The following TPD52 variants were observed in gnomAD, a reference collection of about 807,000 sequenced individuals.
TPD52 encodes prostate and colon associated protein.
A neutral mutation model predicts 31.3 loss-of-function variants in TPD52; 17 were observed. That is an observed-to-expected ratio of 0.54 (90% confidence interval 0.37 to 0.82). TPD52 has a LOEUF of 0.82. Ranked by LOEUF, TPD52 falls within the 40% of genes least tolerant of loss-of-function variation. The pLI is 0.00. For synonymous variants in TPD52, 83 were observed against 89.6 expected (o/e 0.93, Z 0.42); for missense variants, 212 against 240.1 (o/e 0.88, Z 0.77).
At chr8:80,096,319 A>ACACACACACAC (rs1563622982) in intron 1 of TPD52, among the ~76,000 whole-genome samples, 57 of 139,350 alleles carry the variant, frequency 4.1e-4, no homozygotes, top group African/African-American at 1.4e-3. Flanking sequence ...CACACACACA[A>ACACACACACAC]ACTTCTCCTA....
intron 1 of TPD52, among the ~76,000 whole-genome samples, chr8:80,094,430 TTATATATATATA>T (rs61266725): frequency 0.043 from 2,281 of 53,426 alleles, 45 homozygotes; most frequent in East Asian, 0.13. Flanking sequence ...AAAGAAAATT[TTATATATATATA>T]TATATATATA....
rs764519706 is a variant in TPD52 at position 80,038,065 on chromosome 8, G to C, written c.*51C>G. 12 of 1,600,762 alleles carry C rather than the reference G, an allele frequency of 7.5e-6. No homozygotes were observed. Among genetic ancestry groups the C allele is most frequent in the Admixed American group, 1.7e-5 (1 of 59,134 alleles). ...CAATGCATGTTGACAAGATGTGCTT[G>C]GACCTCGCTTGCAGCATCTGGCAGT... On this transcript the variant is annotated 3_prime_UTR_variant, in exon 8 of 8. Coordinates refer to ENST00000518937, the MANE Select transcript of TPD52 (RefSeq NM_001025253.3).
intron 1 of TPD52, among the ~76,000 whole-genome samples, chr8:80,070,503 TAAGCAATGTGC>T: frequency 6.6e-6 from 1 of 152,236 alleles, no homozygotes; most frequent in Non-Finnish European, 1.5e-5. Context: ...TAGATTCTCA[TAAGCAATGTGC>T]AACCTAGATC....
rs1376622182 is a variant in TPD52 at position 80,034,884 on chromosome 8, G to C, written c.*3232C>G. The C allele has an allele frequency of 6.6e-6, 1 of 152,160 alleles. No homozygotes were observed. Among genetic ancestry groups the C allele is most frequent in the Non-Finnish European group, 1.5e-5 (1 of 68,030 alleles). The allele number at this position is 152,160 out of a possible 1,614,324, so 9.4% of individuals were successfully genotyped here. A position where few individuals can be genotyped will look rare whatever the true frequency, so the allele number is the denominator to read the frequency against. Reference sequence around the variant, plus strand: ...TGGCAAGAATTTTAGTTGCCAAATAGCATTTATTTGAGTACAAAATCCTGG... The same window carrying C: ...TGGCAAGAATTTTAGTTGCCAAATACCATTTATTTGAGTACAAAATCCTGG... On this transcript the variant is annotated 3_prime_UTR_variant, in exon 8 of 8. Transcript: ENST00000518937.
chr8:80,137,200 C>T (rs1365190), intron 1 of TPD52, among the ~76,000 whole-genome samples: 2 of 151,780 alleles, frequency 1.3e-5, no homozygotes, highest in East Asian at 3.9e-4. Context: ...TGTTTGCCTG[C>T]GGGCACGGGA....
intron 1 of TPD52, among the ~76,000 whole-genome samples, chr8:80,101,441 C>A (rs1806727407): frequency 7.7e-6 from 1 of 129,830 alleles, no homozygotes; most frequent in African/African-American, 3.2e-5. Flanking sequence ...GAGTGAGACT[C>A]CCAGCTCAAA....
rs1438477098 is a variant in TPD52 at position 80,136,985 on chromosome 8, C to T, written c.19+34440G>A. 3.3e-5 allele frequency among the ~76,000 whole-genome samples: 5 copies of T among 152,208 alleles called. No homozygotes were observed. In the East Asian group the frequency reaches 9.6e-4, roughly 29 times the overall value. On this transcript the variant is annotated intron_variant, in intron 1 of 7. Coordinates refer to ENST00000518937, the MANE Select transcript of TPD52 (RefSeq NM_001025253.3). ...AACTTCAGCTAAAACTCCCTTATCA[C>T]TCTTAACAAGTATGGCTCAAAGACA...
Position 80,082,731 on chromosome 8 carries a change from C to CGCCT in TPD52, c.20-18142_20-18139dup, listed in dbSNP as rs200598534. On this transcript the variant is annotated intron_variant, in intron 1 of 7. Transcript: ENST00000518937. ...AGCATGTGAAGAGCCCCCTGACAGGCGCCTGTGCCTATCCAGGGCCTCTCC... is the reference window on the plus strand; with the variant it reads ...AGCATGTGAAGAGCCCCCTGACAGGCGCCTGCCTGTGCCTATCCAGGGCCTCTCC... Among the ~76,000 whole-genome samples the CGCCT allele has an allele frequency of 9.4e-3, 1,428 of 152,354 alleles. 78 individuals are homozygous for CGCCT. Among genetic ancestry groups the CGCCT allele is most frequent in the Admixed American group, 0.087 (1,328 of 15,296 alleles).
At chr8:80,051,079 T>C (rs1175286559) in intron 4 of TPD52, among the ~76,000 whole-genome samples, 1 of 151,018 alleles carries the variant, frequency 6.6e-6, no homozygotes, top group African/African-American at 2.4e-5. Flanking sequence ...CCAGTTAGAA[T>C]AAAACAGTGC....
At chr8:80,038,475 C>T (rs1166154491) in intron 7 of TPD52, among the ~76,000 whole-genome samples, 1 of 152,050 alleles carries the variant, frequency 6.6e-6, no homozygotes, top group Non-Finnish European at 1.5e-5. Context: ...TTCCCCTTTC[C>T]CCCTGCTCCT....
intron 1 of TPD52, among the ~76,000 whole-genome samples, chr8:80,140,990 G>A (rs537513209): frequency 1.0e-5 from 1 of 97,190 alleles, no homozygotes; most frequent in African/African-American, 3.9e-5. Flanking sequence ...TGTGTAGAAA[G>A]AGTATCAATC....
At chr8:80,069,642 A>T (rs903309676) in intron 1 of TPD52, among the ~76,000 whole-genome samples, 19 of 151,074 alleles carry the variant, frequency 1.3e-4, no homozygotes, top group Non-Finnish European at 2.4e-4. Flanking sequence ...AATAATTTTT[A>T]AAAAAGATTT....
At chr8:80,128,937 G>A (rs916661426) in intron 1 of TPD52, among the ~76,000 whole-genome samples, 3 of 150,886 alleles carry the variant, frequency 2.0e-5, no homozygotes, top group Non-Finnish European at 4.4e-5. Flanking sequence ...TTCATTCTCT[G>A]TAATGTTACA....
intron 1 of TPD52, among the ~76,000 whole-genome samples, chr8:80,100,458 G>A (rs1003380957): frequency 3.3e-5 from 5 of 152,148 alleles, no homozygotes; most frequent in Admixed American, 6.5e-5. Flanking sequence ...AATTGTTTTC[G>A]GAACAGAAAC....
intron 1 of TPD52, among the ~76,000 whole-genome samples, chr8:80,162,101 C>T (rs1187371749): frequency 6.6e-6 from 1 of 152,050 alleles, no homozygotes; most frequent in Non-Finnish European, 1.5e-5. Context: ...TGATTATGAG[C>T]CAAGGCATGT....
Position 80,063,447 on chromosome 8 carries a change from T to TG in TPD52, c.135+1030dup, listed in dbSNP as rs1490642971. On this transcript the variant is annotated intron_variant, in intron 2 of 7. Coordinates refer to ENST00000518937, the MANE Select transcript of TPD52 (RefSeq NM_001025253.3). Reference sequence around the variant, plus strand: ...ATGAATACAGGGATCTCTTTGGAGGTGAAGAAAATGTGTGGAACTTGAAAG... The same window carrying TG: ...ATGAATACAGGGATCTCTTTGGAGGTGGAAGAAAATGTGTGGAACTTGAAAG... Among the ~76,000 whole-genome samples, 10 of 151,884 alleles carry TG rather than the reference T, an allele frequency of 6.6e-5. No individual in the cohort carries two copies. The South Asian group carries it at 2.1e-3, about 32-fold the overall frequency.
downstream of TPD52, chr8:80,032,640 G>C (rs568502327): frequency 2.6e-5 from 4 of 152,392 alleles, no homozygotes; most frequent in African/African-American, 9.6e-5. Context: ...ATAAAATGGT[G>C]ACACTGCCAC....
At chr8:80,171,373 T>G (rs1038981995) in intron 1 of TPD52, 52 bp downstream of exon 1, 1 of 584,292 alleles carries the variant, frequency 1.7e-6, no homozygotes. Flanking sequence ...AAAGCCCGAG[T>G]CCAAGCCCGA....
Position 80,069,496 on chromosome 8 carries a change from T to A in TPD52, c.20-4903A>T, listed in dbSNP as rs546043501. ...ACAACAACAAAAATTTTAATAAAAA[T>A]TTTTAGGGGGCTGGGCATGGTGGCT... On this transcript the variant is annotated intron_variant, in intron 1 of 7. Coordinates refer to ENST00000518937, the MANE Select transcript of TPD52 (RefSeq NM_001025253.3). Among the ~76,000 whole-genome samples the A allele has an allele frequency of 9.0e-4, 132 of 146,760 alleles. 3 individuals are homozygous for A. The East Asian group carries it at 0.025, about 28-fold the overall frequency.
Sources: gnomAD v4.1 joint callset for allele counts (sites outside exome capture counted in the v4.1 genomes callset) on GRCh38, gnomAD v4.1.1 for gene constraint, MANE v1.5 for transcripts, NCBI Gene and HGNC (gene_info 2026-07-23, HGNC 2026-07-21) for gene names.